Variants in BRI3 observed in about 807,000 individuals in gnomAD.
BRI3 encodes the protein membrane protein BRI3.
Under a neutral mutation model 12.8 loss-of-function variants are expected in BRI3, and 6 were observed. That is an observed-to-expected ratio of 0.47 (90% CI 0.26 to 0.93). The LOEUF is 0.93. Among genes scored for constraint, BRI3 ranks in the 40% least tolerant of loss-of-function variants. The probability of loss-of-function intolerance (pLI) is 0.15; values close to 1 mark genes in which losing one functional copy is unlikely to be tolerated. For missense variants in BRI3, 134 were observed against 171.1 expected (o/e 0.78, Z 1.21); for synonymous variants, 91 against 76.1 (o/e 1.20, Z -1.02).
chr7:98,317,555 A>G, the BRI3 span, among the ~76,000 whole-genome samples: 1 of 150,380 alleles, frequency 6.6e-6, no homozygotes, highest in Non-Finnish European at 1.5e-5. Context: ...CCATGCCCAC[A>G]CTTCGCACCA....
downstream of BRI3, among the ~76,000 whole-genome samples, chr7:98,296,749 CCTT>C (rs1198764606): frequency 3.3e-5 from 5 of 152,248 alleles, no homozygotes; most frequent in African/African-American, 4.8e-5. Context: ...CCCCAGCACT[CCTT>C]CTGGATACAA....
chr7:98,313,972 C>T (rs914583313), downstream of BRI3, among the ~76,000 whole-genome samples: 5 of 137,944 alleles, frequency 3.6e-5, no homozygotes, highest in South Asian at 6.7e-4. Context: ...CTGAATACTC[C>T]TTTTTCTTCC....
At chr7:98,320,063 T>C in the BRI3 span, 12 of 1,612,972 alleles carry the variant, frequency 7.4e-6, no homozygotes, top group African/African-American at 4.0e-5. Flanking sequence ...CTTACGTTCA[T>C]ATATTTCACG....
chr7:98,283,453 C>T (rs1355810793), intron 2 of BRI3, among the ~76,000 whole-genome samples: 3 of 151,992 alleles, frequency 2.0e-5, no homozygotes, highest in Non-Finnish European at 4.4e-5. Flanking sequence ...CACAGGGACC[C>T]CGTGACAAAC....
At chr7:98,296,271 T>C (rs1562962357), downstream of BRI3, among the ~76,000 whole-genome samples, 1 of 152,348 alleles carries the variant, frequency 6.6e-6, no homozygotes, top group East Asian at 1.9e-4. Flanking sequence ...CGGAGTCACA[T>C]CATGAAAATT....
At chr7:98,291,642 CAAG>C, downstream of BRI3, 3 of 453,894 alleles carry the variant, frequency 6.6e-6, no homozygotes, top group Non-Finnish European at 8.9e-6. Context: ...GCTTACAGCT[CAAG>C]AAAATGTTTT....
At chr7:98,300,178 C>T (rs764587101) in intron 1 of BRI3, among the ~76,000 whole-genome samples, 8 of 152,328 alleles carry the variant, frequency 5.3e-5, no homozygotes, top group Admixed American at 2.0e-4. Flanking sequence ...CTGTGCTGCT[C>T]GTCTCTGACA....
intron 1 of BRI3, among the ~76,000 whole-genome samples, chr7:98,299,135 C>T (rs1464101907): frequency 6.6e-6 from 1 of 152,178 alleles, no homozygotes; most frequent in Non-Finnish European, 1.5e-5. Context: ...CCTGCCTCAG[C>T]CTCCCGAGTA....
upstream of BRI3, chr7:98,304,442 T>G: frequency 6.5e-7 from 1 of 1,539,636 alleles, no homozygotes; most frequent in East Asian, 2.3e-5. Flanking sequence ...AAACATCCTC[T>G]GTGTCCCTGA....
At chr7:98,312,333 C>T (rs1485379684), downstream of BRI3, 18 of 1,479,264 alleles carry the variant, frequency 1.2e-5, no homozygotes, top group South Asian at 2.7e-5. Context: ...AATGACATCA[C>T]GTCATATCGC....
At chr7:98,322,647 G>A in the BRI3 span, among the ~76,000 whole-genome samples, 94 of 152,168 alleles carry the variant, frequency 6.2e-4, no homozygotes, top group African/African-American at 2.1e-3. Flanking sequence ...CAGAGATGGC[G>A]GAGGATTCTC....
exon 2 of BRI3, chr7:98,308,004 G>T: frequency 9.3e-7 from 1 of 1,072,510 alleles, no homozygotes; most frequent in Non-Finnish European, 1.4e-6. Context: ...TGCCAACAAT[G>T]CTCCTTCCAC....
chr7:98,286,001 A>G (rs1425840475), intron 2 of BRI3, among the ~76,000 whole-genome samples: 3 of 152,126 alleles, frequency 2.0e-5, no homozygotes, highest in Non-Finnish European at 4.4e-5. Context: ...TGAGGCCACC[A>G]TGTGCGCAGA....
At chr7:98,320,385 G>C in the BRI3 span, 1 of 1,016,140 alleles carries the variant, frequency 9.8e-7, no homozygotes, top group African/African-American at 1.6e-5. Flanking sequence ...GCCCAGGCTG[G>C]AGTGCAAAGG....
At chr7:98,307,687 ACG>A in exon 2 of BRI3, 1 of 1,613,790 alleles carries the variant, frequency 6.2e-7, no homozygotes, top group Non-Finnish European at 8.5e-7. Context: ...GCCCAGACTT[ACG>A]CCTTGGACAC....
the BRI3 span, chr7:98,322,911 C>T: frequency 6.6e-6 from 1 of 152,290 alleles, no homozygotes; most frequent in Non-Finnish European, 1.5e-5. Flanking sequence ...CCTCTGCAAA[C>T]AGTGCTACCT....
At chr7:98,302,637 C>T (rs1800476020), upstream of BRI3, among the ~76,000 whole-genome samples, 1 of 152,150 alleles carries the variant, frequency 6.6e-6, no homozygotes, top group Admixed American at 6.5e-5. Context: ...GGGACACCCT[C>T]CAGGACAAAT....
At chr7:98,306,835 T>C (rs1442582906) in intron 1 of BRI3, 2 of 352,092 alleles carry the variant, frequency 5.7e-6, no homozygotes, top group African/African-American at 4.2e-5. Context: ...AGCATCCGAG[T>C]AGCTGTGACT....
At chr7:98,286,907 C>T (rs1799727214) in intron 2 of BRI3, among the ~76,000 whole-genome samples, 1 of 152,246 alleles carries the variant, frequency 6.6e-6, no homozygotes, top group Admixed American at 6.5e-5. Context: ...CGAGTTCTGC[C>T]TTCAGCGCCT....
Sources: gnomAD v4.1 joint callset for allele counts (sites outside exome capture counted in the v4.1 genomes callset) on GRCh38, gnomAD v4.1.1 for gene constraint, MANE v1.5 for transcripts, NCBI Gene and HGNC (gene_info 2026-07-23, HGNC 2026-07-21) for gene names.